The following FOXP2 variants were observed in gnomAD, a reference collection of about 807,000 sequenced individuals.
FOXP2 encodes the protein forkhead box protein P2.
Under a neutral mutation model 115.8 loss-of-function variants are expected in FOXP2, and 12 were observed. That is an observed-to-expected ratio of 0.10 (90% CI 0.07 to 0.17). FOXP2 has a LOEUF of 0.17. Ranked by LOEUF, FOXP2 falls within the 10% of genes least tolerant of loss-of-function variation. FOXP2 has a pLI of 1.00. For missense variants in FOXP2, 629 were observed against 843.5 expected (o/e 0.75, Z 3.15); for synonymous variants, 328 against 297.7 (o/e 1.10, Z -1.05).
At chr7:114,466,771 A>G (rs1298881737) in intron 2 of FOXP2, among the ~76,000 whole-genome samples, 1 of 152,218 alleles carries the variant, frequency 6.6e-6, no homozygotes, top group African/African-American at 2.4e-5. Flanking sequence ...TAATGTAACA[A>G]AAGGAAGAGA....
At chr7:114,614,706 A>G (rs912495322) in intron 3 of FOXP2, among the ~76,000 whole-genome samples, 47 of 152,290 alleles carry the variant, frequency 3.1e-4, no homozygotes, top group African/African-American at 1.1e-3. Flanking sequence ...GATTCACATA[A>G]CAATTCAATC....
intron 3 of FOXP2, among the ~76,000 whole-genome samples, chr7:114,603,203 C>T (rs1803127771): frequency 6.6e-6 from 1 of 152,096 alleles, no homozygotes; most frequent in Non-Finnish European, 1.5e-5. Flanking sequence ...GGTGCAAAGA[C>T]ATCAGAGTTG....
chr7:114,648,770 A>T (rs1158431874), intron 8 of FOXP2, among the ~76,000 whole-genome samples: 3 of 152,152 alleles, frequency 2.0e-5, no homozygotes, highest in Admixed American at 6.6e-5. Context: ...CGACCACATC[A>T]TTTATTCCAT....
At chr7:114,449,398 T>G (rs1287082461) in intron 2 of FOXP2, among the ~76,000 whole-genome samples, 2 of 152,150 alleles carry the variant, frequency 1.3e-5, no homozygotes, top group African/African-American at 2.4e-5. Flanking sequence ...TTCACAATTA[T>G]ATTTAAATGT....
intron 3 of FOXP2, chr7:114,570,872 C>T (rs370376856): frequency 4.2e-5 from 67 of 1,611,722 alleles, no homozygotes; most frequent in Non-Finnish European, 5.5e-5. Flanking sequence ...ATCCTCACAA[C>T]ACATTTGCAG....
intron 2 of FOXP2, among the ~76,000 whole-genome samples, chr7:114,323,624 C>T (rs1425861960): frequency 1.3e-5 from 2 of 151,904 alleles, no homozygotes; most frequent in South Asian, 2.1e-4. Flanking sequence ...GATTCAGTTA[C>T]TCATTTTTAA....
intron 2 of FOXP2, among the ~76,000 whole-genome samples, chr7:114,502,380 T>G (rs775993491): frequency 6.6e-6 from 1 of 152,128 alleles, no homozygotes; most frequent in Non-Finnish European, 1.5e-5. Flanking sequence ...TGTTCTTATC[T>G]ATCCCAAATT....
chr7:114,393,902 G>A (rs986684753), intron 2 of FOXP2, among the ~76,000 whole-genome samples: 1 of 152,004 alleles, frequency 6.6e-6, no homozygotes, highest in Admixed American at 6.6e-5. Context: ...ATATTGGTGT[G>A]AACTCATGAT....
intron 2 of FOXP2, among the ~76,000 whole-genome samples, chr7:114,356,396 A>G (rs1387764766): frequency 3.3e-5 from 5 of 152,194 alleles, no homozygotes; most frequent in Non-Finnish European, 7.4e-5. Context: ...TTCAGGGTCA[A>G]GCCAGATGGT....
At chr7:114,530,121 A>C (rs1047342134) in intron 2 of FOXP2, among the ~76,000 whole-genome samples, 3 of 151,864 alleles carry the variant, frequency 2.0e-5, no homozygotes, top group African/African-American at 7.2e-5. Context: ...CAGTATAACT[A>C]GGGAGTGACT....
At chr7:114,669,412 G>A (rs1010462507) in intron 16 of FOXP2, 2 of 151,936 alleles carry the variant, frequency 1.3e-5, no homozygotes, top group African/African-American at 4.8e-5. Context: ...TTCTATTGCT[G>A]TTCAAAGAGT....
chr7:114,487,860 T>C (rs1796864495), intron 2 of FOXP2, among the ~76,000 whole-genome samples: 1 of 152,104 alleles, frequency 6.6e-6, no homozygotes, highest in African/African-American at 2.4e-5. Flanking sequence ...CTCTAGGAGG[T>C]TCCAAATTTT....
chr7:114,482,395 CA>C (rs1796597243), intron 2 of FOXP2, among the ~76,000 whole-genome samples: 1 of 151,266 alleles, frequency 6.6e-6, no homozygotes, highest in Non-Finnish European at 1.5e-5. Context: ...ATTGTTATGC[CA>C]AATTGGATTT....
chr7:114,507,817 A>G (rs1227648602), intron 2 of FOXP2, among the ~76,000 whole-genome samples: 1 of 151,936 alleles, frequency 6.6e-6, no homozygotes, highest in Admixed American at 6.6e-5. Context: ...TTTGAGGGAG[A>G]GAGAAATTAG....
rs1265325297 is a variant in FOXP2 at position 114,632,541 on chromosome 7, A to G, written c.775+836A>G. 2.6e-5 allele frequency among the ~76,000 whole-genome samples: 4 copies of G among 152,356 alleles called. No individual in the cohort carries two copies. The East Asian group carries it at 7.7e-4, about 29-fold the overall frequency. Reference sequence around the variant, plus strand: ...GGGACAAACATTAATCCAAATGTACATTAATTCAAATTAATTATATTTGTC... The same window carrying G: ...GGGACAAACATTAATCCAAATGTACGTTAATTCAAATTAATTATATTTGTC... On this transcript the variant is annotated intron_variant, in intron 6 of 16. Transcript: ENST00000350908.
chr7:114,602,884 A>T (rs984726961), intron 3 of FOXP2, among the ~76,000 whole-genome samples: 1 of 152,174 alleles, frequency 6.6e-6, no homozygotes, highest in Admixed American at 6.6e-5. Flanking sequence ...TTCTTTAGCA[A>T]AAATAGAAAA....
At chr7:114,123,084 C>T (rs1562971207) in intron 1 of FOXP2, among the ~76,000 whole-genome samples, 1 of 151,882 alleles carries the variant, frequency 6.6e-6, no homozygotes, top group Non-Finnish European at 1.5e-5. Context: ...TTCATAGTGG[C>T]TAATGCCTAT....
intron 2 of FOXP2, among the ~76,000 whole-genome samples, chr7:114,390,117 A>G (rs1424684144): frequency 2.0e-5 from 3 of 152,058 alleles, no homozygotes; most frequent in African/African-American, 7.2e-5. Context: ...AAACAACGTA[A>G]TTTCAAGATA....
chr7:114,533,235 A>C (rs1799227192), intron 2 of FOXP2, among the ~76,000 whole-genome samples: 1 of 151,970 alleles, frequency 6.6e-6, no homozygotes, highest in Non-Finnish European at 1.5e-5. Flanking sequence ...GTGCTAGTGC[A>C]TTCAGTTTGT....
Sources: gnomAD v4.1 joint callset for allele counts (sites outside exome capture counted in the v4.1 genomes callset) on GRCh38, gnomAD v4.1.1 for gene constraint, MANE v1.5 for transcripts, NCBI Gene and HGNC (gene_info 2026-07-23, HGNC 2026-07-21) for gene names.